Variants in NSMCE2 observed in about 807,000 individuals in gnomAD.
NSMCE2 encodes the protein NSE2 SUMO ligase component of SMC5/6 complex.
In NSMCE2, 24 loss-of-function variants were observed where a neutral mutation model predicts 23.8. That is an observed-to-expected ratio of 1.01 (90% confidence interval 0.73 to 1.42). The LOEUF (loss-of-function observed/expected upper bound fraction) is 1.42. NSMCE2 is among the 40% of genes most tolerant of loss of function. The pLI is 0.00. For synonymous variants in NSMCE2, 92 were observed against 94.1 expected, an observed-to-expected ratio of 0.98 and a Z score of 0.13; for missense variants, 284 against 296.5, an observed-to-expected ratio of 0.96 and a Z score of 0.31.
At chr8:125,304,174 A>G (rs1427308740) in intron 5 of NSMCE2, among the ~76,000 whole-genome samples, 1 of 152,224 alleles carries the variant, frequency 6.6e-6, no homozygotes, top group Admixed American at 6.5e-5. Context: ...TTAGTGCTTA[A>G]TGATTAGCCT....
chr8:125,345,661 A>T (rs1055378233), intron 5 of NSMCE2, among the ~76,000 whole-genome samples: 3 of 152,218 alleles, frequency 2.0e-5, no homozygotes, highest in Admixed American at 6.5e-5. Context: ...TGACAGAGGA[A>T]ATGCCTGAAT....
chr8:125,349,050 C>T (rs1812914407), intron 5 of NSMCE2, among the ~76,000 whole-genome samples: 2 of 148,942 alleles, frequency 1.3e-5, no homozygotes, highest in African/African-American at 5.1e-5. Flanking sequence ...CACACACACA[C>T]ACACACACAC....
intron 4 of NSMCE2, among the ~76,000 whole-genome samples, chr8:125,152,626 T>TAA (rs1451529930): frequency 2.4e-4 from 37 of 152,334 alleles, no homozygotes; most frequent in Non-Finnish European, 4.9e-4. Flanking sequence ...TCTTTAACTT[T>TAA]CATACTGTGC....
chr8:125,152,795 C>T (rs771897899), intron 4 of NSMCE2, among the ~76,000 whole-genome samples: 4 of 152,046 alleles, frequency 2.6e-5, no homozygotes, highest in African/African-American at 7.2e-5. Context: ...CGGTAGCTCA[C>T]GCCTGTAATC....
At chr8:125,164,948 A>C (rs1821802671) in intron 4 of NSMCE2, among the ~76,000 whole-genome samples, 1 of 152,236 alleles carries the variant, frequency 6.6e-6, no homozygotes, top group Non-Finnish European at 1.5e-5. Flanking sequence ...GTTCATGATC[A>C]ATTCTTAGAA....
At chr8:125,307,788 T>G (rs754706368) in intron 5 of NSMCE2, among the ~76,000 whole-genome samples, 22 of 152,174 alleles carry the variant, frequency 1.4e-4, no homozygotes, top group Non-Finnish European at 3.2e-4. Flanking sequence ...TCTTGCTTCT[T>G]TTCAATTGCT....
At chr8:125,193,307 A>G (rs1450420250) in intron 5 of NSMCE2, among the ~76,000 whole-genome samples, 2 of 152,238 alleles carry the variant, frequency 1.3e-5, no homozygotes, top group Non-Finnish European at 2.9e-5. Flanking sequence ...TTCACAAAAC[A>G]TGTATCTTAC....
intron 1 of NSMCE2, among the ~76,000 whole-genome samples, chr8:125,095,897 A>G (rs1246072679): frequency 7.9e-5 from 12 of 152,000 alleles, no homozygotes; most frequent in Non-Finnish European, 1.5e-4. Flanking sequence ...AAAAAAAAAA[A>G]AAAAGAAAAG....
intron 5 of NSMCE2, among the ~76,000 whole-genome samples, chr8:125,266,473 C>T (rs1157081504): frequency 6.6e-6 from 1 of 152,224 alleles, no homozygotes; most frequent in East Asian, 1.9e-4. Flanking sequence ...ACACAATTAA[C>T]ACTGTCTGTA....
chr8:125,338,278 T>C (rs1255952702), intron 5 of NSMCE2, among the ~76,000 whole-genome samples: 2 of 86,834 alleles, frequency 2.3e-5, no homozygotes, highest in Non-Finnish European at 5.7e-5. Flanking sequence ...ACCTAGATGT[T>C]GGGTGGAAAA....
chr8:125,102,574 T>C, intron 3 of NSMCE2, 87 bp downstream of exon 3: 1 of 1,050,644 alleles, frequency 9.5e-7, no homozygotes, highest in South Asian at 1.4e-5. Flanking sequence ...TGAGTATCCT[T>C]GGGGGAATGA....
At chr8:125,289,691 T>C (rs1368494944) in intron 5 of NSMCE2, among the ~76,000 whole-genome samples, 1 of 152,218 alleles carries the variant, frequency 6.6e-6, no homozygotes, top group East Asian at 1.9e-4. Context: ...CAGATGTTTG[T>C]GGGTGTGCTG....
intron 5 of NSMCE2, among the ~76,000 whole-genome samples, chr8:125,254,315 A>G (rs1484208849): frequency 1.3e-5 from 2 of 152,212 alleles, no homozygotes; most frequent in Non-Finnish European, 2.9e-5. Flanking sequence ...TTAGTGTGCC[A>G]CAAAACATTT....
At chr8:125,150,371 T>C (rs1820928340) in intron 3 of NSMCE2, among the ~76,000 whole-genome samples, 1 of 151,646 alleles carries the variant, frequency 6.6e-6, no homozygotes, top group African/African-American at 2.4e-5. Context: ...TTATTTTTTT[T>C]CTACTGTATC....
chr8:125,338,972 T>A (rs1280221585), intron 5 of NSMCE2, among the ~76,000 whole-genome samples: 1 of 152,206 alleles, frequency 6.6e-6, no homozygotes, highest in Non-Finnish European at 1.5e-5. Context: ...AGGTCAAGGA[T>A]GAGCAGGCTG....
chr8:125,316,231 C>T (rs1829173057), intron 5 of NSMCE2, among the ~76,000 whole-genome samples: 1 of 152,240 alleles, frequency 6.6e-6, no homozygotes, highest in African/African-American at 2.4e-5. Context: ...AGTTTTCTTA[C>T]CTTCAACAGC....
chr8:125,264,279 A>G (rs58527250), intron 5 of NSMCE2, among the ~76,000 whole-genome samples: 12,016 of 152,262 alleles, frequency 0.079, 516 homozygotes, highest in African/African-American at 0.11. Context: ...TACTTCATTC[A>G]TATTCCTTTA....
chr8:125,191,552 C>G (rs1290109991), intron 5 of NSMCE2, among the ~76,000 whole-genome samples: 4 of 152,118 alleles, frequency 2.6e-5, no homozygotes, highest in African/African-American at 9.7e-5. Context: ...TTTTCGGTCA[C>G]TTGCATTTAG....
At position 125,204,224 on chromosome 8, in the gene NSMCE2, GC is replaced by G. The variant is rs1270029447; in HGVS notation, c.418+21971del. Among the ~76,000 whole-genome samples the G allele has an allele frequency of 2.6e-5, 4 of 152,226 alleles. No individual in the cohort carries two copies. In the East Asian group the frequency reaches 7.7e-4, roughly 29 times the overall value. On this transcript the variant is annotated intron_variant, in intron 5 of 7. Coordinates refer to ENST00000287437, the MANE Select transcript of NSMCE2 (RefSeq NM_173685.4). ...TCCTGGGAATAAAAGATAGGTCAAG[GC>G]CCTTTTTGCGAAGGTTACCTTGGCA...
Sources: gnomAD v4.1 joint callset for allele counts (sites outside exome capture counted in the v4.1 genomes callset) on GRCh38, gnomAD v4.1.1 for gene constraint, MANE v1.5 for transcripts, NCBI Gene and HGNC (gene_info 2026-07-23, HGNC 2026-07-21) for gene names.